Variants in TUBA4B observed in about 807,000 individuals in gnomAD.
TUBA4B encodes the protein tubulin alpha 4b, also known as tubulin-like protein alpha-4B.
TUBA4B carries 13 observed loss-of-function variants against 18.4 expected under a neutral mutation model. The observed-to-expected ratio is 0.71, with a 90% confidence interval of 0.46 to 1.12. The LOEUF (loss-of-function observed/expected upper bound fraction) is 1.12. TUBA4B is among the 50% of genes most tolerant of loss of function. The pLI, the probability that TUBA4B is intolerant of heterozygous loss-of-function variation, is 0.00. For missense variants in TUBA4B, 244 were observed against 250.0 expected, an observed-to-expected ratio of 0.98 and a Z score of 0.16; for synonymous variants, 101 against 99.1, an observed-to-expected ratio of 1.02 and a Z score of -0.11.
At chr2:219,264,235 A>G (rs993111128) in intron 1 of TUBA4B, among the ~76,000 whole-genome samples, 1 of 152,178 alleles carries the variant, frequency 6.6e-6, no homozygotes, top group African/African-American at 2.4e-5. Flanking sequence ...CAAGGCAGGC[A>G]GATCACTTGA....
intron 1 of TUBA4B, among the ~76,000 whole-genome samples, chr2:219,264,935 T>G (rs986558508): frequency 8.5e-5 from 13 of 152,200 alleles, no homozygotes; most frequent in African/African-American, 2.7e-4. Flanking sequence ...TGGATTTTTC[T>G]ATGGCCACTG....
At chr2:219,262,300 G>A (rs1439642695) in intron 1 of TUBA4B, among the ~76,000 whole-genome samples, 2 of 152,216 alleles carry the variant, frequency 1.3e-5, no homozygotes, top group Non-Finnish European at 2.9e-5. Context: ...GGGCGACAGA[G>A]CGAGACTCGA....
chr2:219,270,537 G>A (rs1382397985), intron 3 of TUBA4B, among the ~76,000 whole-genome samples: 3 of 152,144 alleles, frequency 2.0e-5, no homozygotes, highest in African/African-American at 4.8e-5. Flanking sequence ...CTGTATCTCC[G>A]AAGTGGCTGG....
chr2:219,270,366 G>A (rs1358963200), intron 3 of TUBA4B, 31 bp downstream of exon 3: 3 of 708,778 alleles, frequency 4.2e-6, no homozygotes, highest in Non-Finnish European at 7.8e-6. Flanking sequence ...TGGGGCAGGG[G>A]GAATGAATCT....
chr2:219,261,022 C>CCTCT (rs142648658), intron 1 of TUBA4B, among the ~76,000 whole-genome samples: 3 of 148,732 alleles, frequency 2.0e-5, no homozygotes, highest in African/African-American at 4.9e-5. Flanking sequence ...GGATCACTTT[C>CCTCT]CTCTCTCTCT....
rs56105486 is a variant in TUBA4B, at chr2:219,271,638, C to G, written c.665C>G (p.Thr222Arg). 102 of 1,613,814 alleles carry G rather than the reference C, an allele frequency of 6.3e-5. No homozygotes were observed. Among genetic ancestry groups the G allele is most frequent in the Non-Finnish European group, 7.9e-5 (93 of 1,179,844 alleles). ...TCATCTCTGCAGAAAAGGTATACCA[C>G]GAGCAGCTGTTGGTGGCAGAGATTA... Reference protein sequence around the residue: ...HQSSLQKRYTTSSCWWQRLPM... With the variant: ...HQSSLQKRYTRSSCWWQRLPM... Residue 222 changes from threonine to arginine, a missense_variant, in exon 4 of 4, where the codon ACG (threonine) becomes AGG (arginine). Transcript: ENST00000490341.
rs1484848878 is a variant in TUBA4B, at chr2:219,271,504, C to T, written c.531C>T (p.Ile177=). The change falls in exon 4 of 4, where the codon ATC becomes ATT. Residue 177 remains isoleucine (I), a synonymous_variant. Coordinates refer to ENST00000490341, the MANE Select transcript of TUBA4B (RefSeq NM_001355221.1). ...NRLISQIVSS[I]TASLRFDGAL... is the part of the protein sequence containing the mutation. ...TCATTAGCCAAATTGTCTCCTCCATCACAGCTTCTCTGCGCTTTGACGGGG... is the reference window on the plus strand; with the variant it reads ...TCATTAGCCAAATTGTCTCCTCCATTACAGCTTCTCTGCGCTTTGACGGGG... 1.2e-6 allele frequency: 2 copies of T among 1,614,222 alleles called. No individual in the cohort carries two copies. The highest frequency in any genetic ancestry group is 1.6e-4 in the Middle Eastern group (1 of 6,062).
chr2:219,272,049 G>A lies in TUBA4B; in HGVS notation c.*350G>A. 2 of 1,415,848 alleles carry A rather than the reference G, an allele frequency of 1.4e-6. No homozygotes were observed. The highest frequency in any genetic ancestry group is 1.0e-6 in the Non-Finnish European group (1 of 1,004,468). 87.7% of individuals were successfully genotyped at this position (1,415,848 alleles called of 1,614,324 possible). A position where few individuals can be genotyped will look rare whatever the true frequency, so the allele number is the denominator to read the frequency against. ...CATGGAGGAGGGTGAGTTCTCCAAG[G>A]CCCATGAGGATATGACTGCCCTGGA... is the stretch of plus-strand genomic sequence containing the variant. On this transcript the variant is annotated 3_prime_UTR_variant, in exon 4 of 4. Transcript: ENST00000490341.
In TUBA4B at chr2:219,271,879, C is replaced by A; in HGVS notation, c.*180C>A. The A allele has an allele frequency of 6.9e-7, 1 of 1,456,240 alleles. No homozygotes were observed. Among genetic ancestry groups the A allele is most frequent in the Non-Finnish European group, 9.6e-7 (1 of 1,036,474 alleles). 90.2% of individuals were successfully genotyped at this position (1,456,240 alleles called of 1,614,324 possible). ...CAATCACCAGCCTCCCACTGTGGTG[C>A]CTGGGAGTGACCTGGTAAAGTGCAA... is the stretch of plus-strand genomic sequence containing the variant. On this transcript the variant is annotated 3_prime_UTR_variant, in exon 4 of 4. Coordinates refer to ENST00000490341, the MANE Select transcript of TUBA4B (RefSeq NM_001355221.1).
intron 1 of TUBA4B, among the ~76,000 whole-genome samples, chr2:219,260,901 G>C (rs886423611): frequency 6.6e-6 from 1 of 151,994 alleles, no homozygotes; most frequent in Non-Finnish European, 1.5e-5. Flanking sequence ...TGAAGGAGGC[G>C]AAGGTTGCAG....
At position 219,253,355 on chromosome 2, in the gene TUBA4B, G is replaced by GGC; in HGVS notation, c.-52_-51insCG. ...GCTCAGACGCGGGGTGCTGAGTCAC[G>GGC]GGGGGGGGGTGGTTCTGTGGATAGT... On this transcript the variant is annotated 5_prime_UTR_variant, in exon 1 of 4. Coordinates refer to ENST00000490341, the MANE Select transcript of TUBA4B (RefSeq NM_001355221.1). 4.5e-6 allele frequency: 3 copies of GGC among 665,446 alleles called. No homozygotes were observed. Among genetic ancestry groups the GGC allele is most frequent in the South Asian group, 5.6e-5 (2 of 35,442 alleles). The allele number at this position is 665,446 out of a possible 1,614,324, so 41.2% of individuals were successfully genotyped here.
At chr2:219,253,484 C>T (rs1435509373) in intron 1 of TUBA4B, 65 bp downstream of exon 1, 2 of 1,318,030 alleles carry the variant, frequency 1.5e-6, no homozygotes, top group East Asian at 2.5e-5. Flanking sequence ...GGACCAGGGA[C>T]TGGGGATGTA....
Position 219,271,362 on chromosome 2 carries a change from C to T in TUBA4B, c.389C>T (p.Thr130Ile), listed in dbSNP as rs1951824055. ...MVQPYNSILT[T>I]HTTLEHSDCA... ...CAGCCCTACAACTCTATCCTGACCA[C>T]CCACACCACCCTGGAGCACTCAGAC... Residue 130 changes from threonine to isoleucine, a missense_variant, in exon 4 of 4, where the codon ACC becomes ATC. Transcript: ENST00000490341. 6.2e-7 allele frequency: 1 copy of T among 1,614,192 alleles called. No individual in the cohort carries two copies. The highest frequency in any genetic ancestry group is 8.5e-7 in the Non-Finnish European group (1 of 1,180,022).
At chr2:219,256,715 G>A (rs1412851121) in intron 1 of TUBA4B, among the ~76,000 whole-genome samples, 3 of 38 alleles carry the variant, frequency 0.079, no homozygotes, top group Non-Finnish European at 0.12. Flanking sequence ...CAGACCTGGT[G>A]CAGTGCTCAT....
chr2:219,266,641 GGT>G (rs1951791962), intron 2 of TUBA4B, 75 bp downstream of exon 2: 1 of 694,326 alleles, frequency 1.4e-6, no homozygotes, highest in South Asian at 1.5e-5. Flanking sequence ...CTGGCGTGAA[GGT>G]ACCTTGGGAG....
At position 219,253,412 on chromosome 2, in the gene TUBA4B, G is replaced by A. The variant is rs527267000; in HGVS notation, c.5G>A (p.Arg2Gln). The A allele has an allele frequency of 3.5e-5, 54 of 1,527,068 alleles. 1 individual carries two copies. The South Asian group carries it at 3.8e-4, about 11-fold the overall frequency. The allele number at this position is 1,527,068 out of a possible 1,614,324, so 94.6% of individuals were successfully genotyped here. A position where few individuals can be genotyped will look rare whatever the true frequency, so the allele number is the denominator to read the frequency against. ...GCATACACAGAGGAAAGGGGGATGC[G>A]GCACCAGGTAACCTGACCCCTTCCA... M[R>Q]HQQTERQDPS... Residue 2 changes from arginine to glutamine, a missense_variant, in exon 1 of 4, where the codon CGG (arginine) becomes CAG (glutamine). By Grantham distance (43) the Arg-to-Gln change is conservative. Transcript: ENST00000490341.
At chr2:219,255,200 A>C (rs1449342861) in intron 1 of TUBA4B, among the ~76,000 whole-genome samples, 1 of 152,166 alleles carries the variant, frequency 6.6e-6, no homozygotes, top group African/African-American at 2.4e-5. Flanking sequence ...AGTAGCTGAG[A>C]CCACAGGCGT....
chr2:219,253,928 A>G, intron 1 of TUBA4B: 1 of 1,140,258 alleles, frequency 8.8e-7, no homozygotes, highest in South Asian at 2.6e-5. Flanking sequence ...CGCTAGCTGC[A>G]GTGCCGCACC....
chr2:219,266,217 G>A, intron 1 of TUBA4B: 1 of 365,058 alleles, frequency 2.7e-6, no homozygotes, highest in Non-Finnish European at 5.0e-6. Flanking sequence ...CACCTGTGAA[G>A]TGCAGGCTGT....
Sources: allele counts gnomAD v4.1 joint callset (sites outside exome capture counted in the v4.1 genomes callset), GRCh38; gene constraint gnomAD v4.1.1; transcripts MANE v1.5; gene names NCBI Gene and HGNC (gene_info 2026-07-23, HGNC 2026-07-21).